Variants in ACSF3 observed in about 807,000 individuals in gnomAD.
ACSF3 encodes malonate--CoA ligase ACSF3, mitochondrial.
In ACSF3, 78 loss-of-function variants were observed where a neutral mutation model predicts 53.2. The observed-to-expected ratio is 1.47, with a 90% CI of 1.22 to 1.77. The LOEUF is 1.77. Among genes scored for constraint, ACSF3 ranks in the 40% most tolerant of loss-of-function variants. ACSF3 has a pLI of 0.00. For synonymous variants in ACSF3, 414 were observed against 333.1 expected, an observed-to-expected ratio of 1.24 and a Z score of -2.65; for missense variants, 937 against 771.1, an observed-to-expected ratio of 1.22 and a Z score of -2.55.
At chr16:89,122,002 C>G (rs1906766893) in intron 7 of ACSF3, among the ~76,000 whole-genome samples, 1 of 151,890 alleles carries the variant, frequency 6.6e-6, no homozygotes, top group South Asian at 2.1e-4. Flanking sequence ...CCGCAGTGGG[C>G]TGTTATCCCC....
intron 4 of ACSF3, among the ~76,000 whole-genome samples, chr16:89,105,519 C>T (rs990498055): frequency 2.6e-5 from 4 of 151,986 alleles, no homozygotes; most frequent in Admixed American, 6.5e-5. Flanking sequence ...GCTCCTCTGA[C>T]GGGGCAGCTC....
chr16:89,114,259 C>T, intron 5 of ACSF3, 80 bp from the exon 6 acceptor site: 1 of 1,601,308 alleles, frequency 6.2e-7, no homozygotes, highest in East Asian at 2.2e-5. Context: ...GGGCCGCCTC[C>T]TGAGGGGCTA....
rs543543586 is a variant in ACSF3 at position 89,155,113 on chromosome 16, G to A, written c.*906G>A. The A allele has an allele frequency of 5.7e-5, 26 of 454,150 alleles. No homozygotes were observed. Among genetic ancestry groups the A allele is most frequent in the Middle Eastern group, 6.9e-4 (1 of 1,444 alleles). 28.1% of individuals were successfully genotyped at this position (454,150 alleles called of 1,614,324 possible). A position where few individuals can be genotyped will look rare whatever the true frequency, so the allele number is the denominator to read the frequency against. ...TGTTGTGAATGTTGGGTGCACCCACGTTGCATTTACTTAGCGGGGCCAATT... is the reference window on the plus strand; with the variant it reads ...TGTTGTGAATGTTGGGTGCACCCACATTGCATTTACTTAGCGGGGCCAATT... On this transcript the variant is annotated 3_prime_UTR_variant, in exon 11 of 11. Transcript: ENST00000614302.
intron 7 of ACSF3, among the ~76,000 whole-genome samples, chr16:89,131,127 CTTTTTTTTTTTTTT>C (rs558773398): frequency 2.9e-5 from 2 of 69,562 alleles, no homozygotes; most frequent in African/African-American, 5.7e-5. Flanking sequence ...TTTTCTTTTT[CTTTTTTTTTTTTTT>C]TTTTTTTTTT....
intron 7 of ACSF3, among the ~76,000 whole-genome samples, chr16:89,126,709 T>C (rs184508658): frequency 2.0e-5 from 3 of 152,374 alleles, no homozygotes; most frequent in Admixed American, 2.0e-4. Context: ...TTTAATAGAC[T>C]TCTTGGGAAT....
At chr16:89,123,833 C>T (rs557402111) in intron 7 of ACSF3, among the ~76,000 whole-genome samples, 91 of 152,310 alleles carry the variant, frequency 6.0e-4, no homozygotes, top group African/African-American at 1.9e-3. Flanking sequence ...GCCCAGGGCT[C>T]AGCCTCCTCC....
rs559765310 is a variant in ACSF3 at position 89,120,837 on chromosome 16, G to A, written c.1163G>A (p.Arg388His). ...ACCCCACTGCCTGGAGTACAGGTGC[G>A]CATTGTCTCAGAAAACCCACAGAGG... The part of the protein sequence containing the change: ...VGTPLPGVQV[R>H]IVSENPQREA... The change falls in exon 7 of 11, where the codon CGC becomes CAC. Residue 388 changes from arginine (R) to histidine (H), a missense_variant. Physicochemically the swap from Arg to His is conservative, Grantham distance 29 (BLOSUM62 0). Coordinates refer to ENST00000614302, the MANE Select transcript of ACSF3 (RefSeq NM_001243279.3). 16 of 1,614,086 alleles carry A rather than the reference G, an allele frequency of 9.9e-6. No individual in the cohort carries two copies. The highest frequency in any genetic ancestry group is 4.4e-5 in the South Asian group (4 of 91,080).
intron 10 of ACSF3, chr16:89,152,325 C>G (rs1235693595): frequency 6.6e-6 from 1 of 152,248 alleles, no homozygotes; most frequent in Non-Finnish European, 1.5e-5. Context: ...GATTCCCACA[C>G]AGGCCAGGCG....
chr16:89,111,402 C>A (rs1013364309), intron 4 of ACSF3, among the ~76,000 whole-genome samples: 1 of 152,368 alleles, frequency 6.6e-6, no homozygotes, highest in South Asian at 2.1e-4. Flanking sequence ...GTTTCAACGC[C>A]GTGTGGGCGA....
In ACSF3 at chr16:89,145,420, G is replaced by A. The variant is rs1434203376; in HGVS notation, c.1501+19G>A. The A allele has an allele frequency of 2.5e-6, 4 of 1,613,576 alleles. No homozygotes were observed. Among genetic ancestry groups the A allele is most frequent in the Non-Finnish European group, 3.4e-6 (4 of 1,179,958 alleles). The stretch of plus-strand genomic sequence containing the variant: ...ATCACAGGTGCGTGGCCGGACTTGG[G>A]CCAGGGAGGCCAGGCTAGACGGGTG... On this transcript the variant is annotated intron_variant, in intron 9 of 10. Transcript: ENST00000614302.
intron 4 of ACSF3, among the ~76,000 whole-genome samples, chr16:89,105,297 C>A (rs998031406): frequency 6.6e-6 from 1 of 152,180 alleles, no homozygotes; most frequent in African/African-American, 2.4e-5. Context: ...TGCTCCAGGC[C>A]TTCCTGGCTC....
intron 7 of ACSF3, among the ~76,000 whole-genome samples, chr16:89,126,785 T>C (rs1350450264): frequency 1.3e-5 from 2 of 152,216 alleles, no homozygotes; most frequent in South Asian, 2.1e-4. Context: ...CCAACCTGTA[T>C]GACCAAAGCC....
chr16:89,144,709 C>T (rs72817499), intron 8 of ACSF3, among the ~76,000 whole-genome samples: 6,735 of 152,300 alleles, frequency 0.044, 246 homozygotes, highest in East Asian at 0.14. Flanking sequence ...CCAGGGGCTC[C>T]GTCTGGGGGC....
At chr16:89,146,605 G>A (rs551807524) in intron 10 of ACSF3, among the ~76,000 whole-genome samples, 24 of 152,280 alleles carry the variant, frequency 1.6e-4, no homozygotes, top group Middle Eastern at 6.8e-3. Context: ...TCAGTTCCAC[G>A]GAGACCCCAG....
chr16:89,114,785 G>A, intron 6 of ACSF3: 1 of 460,840 alleles, frequency 2.2e-6, no homozygotes, highest in East Asian at 4.4e-5. Flanking sequence ...AGGCGTCAGT[G>A]CATGTCTCAG....
chr16:89,141,568 C>A (rs1597228654), intron 8 of ACSF3, among the ~76,000 whole-genome samples: 1 of 151,644 alleles, frequency 6.6e-6, no homozygotes, highest in East Asian at 1.9e-4. Context: ...CAGGAAGATG[C>A]CAGGAACGTC....
chr16:89,114,621 G>T, intron 6 of ACSF3, 134 bp downstream of exon 6: 1 of 1,317,964 alleles, frequency 7.6e-7, no homozygotes, highest in Non-Finnish European at 1.1e-6. Context: ...AGGCCACTCG[G>T]CCAGGAGAGC....
intron 1 of ACSF3, among the ~76,000 whole-genome samples, chr16:89,096,425 G>C (rs1974623602): frequency 6.6e-6 from 1 of 152,194 alleles, no homozygotes; most frequent in Non-Finnish European, 1.5e-5. Context: ...ACAGCCATCT[G>C]CCCTGAGTAG....
At chr16:89,130,187 A>G (rs1908989935) in intron 7 of ACSF3, among the ~76,000 whole-genome samples, 1 of 152,174 alleles carries the variant, frequency 6.6e-6, no homozygotes, top group African/African-American at 2.4e-5. Flanking sequence ...ATTTTTCCTC[A>G]TCTAAGAATG....
Sources: allele counts gnomAD v4.1 joint callset (sites outside exome capture counted in the v4.1 genomes callset), GRCh38; gene constraint gnomAD v4.1.1; transcripts MANE v1.5; gene names NCBI Gene and HGNC (gene_info 2026-07-23, HGNC 2026-07-21).